SLC2A14: variants seen among roughly 807,000 people sequenced by gnomAD.
SLC2A14 encodes the protein solute carrier family 2, facilitated glucose transporter member 14.
Under a neutral mutation model 43.0 loss-of-function variants are expected in SLC2A14, and 13 were observed. The ratio of observed to expected loss-of-function variants is 0.30; its 90% CI spans 0.20 to 0.48. The LOEUF is 0.48. Among genes scored for constraint, SLC2A14 ranks in the 20% least tolerant of loss-of-function variants. The pLI is 0.99. For synonymous variants in SLC2A14, 190 were observed against 233.8 expected, an observed-to-expected ratio of 0.81 and a Z score of 1.71; for missense variants, 428 against 620.4, an observed-to-expected ratio of 0.69 and a Z score of 3.29.
rs776281699 is a variant in SLC2A14 at position 7,882,745 on chromosome 12, G to C, written c.132+8251C>G. Among the ~76,000 whole-genome samples, 153 of 152,168 alleles carry C rather than the reference G, an allele frequency of 1.0e-3. 1 individual carries two copies. Among genetic ancestry groups the C allele is most frequent in the Non-Finnish European group, 1.1e-3 (75 of 67,986 alleles). ...CCAGCTACGTGGGAAGCTGAGGCTG[G>C]AGAATCACTTGAACCCAGGAGGCAG... On this transcript the variant is annotated intron_variant, in intron 1 of 9. Coordinates refer to the SLC2A14 transcript ENST00000539924.
chr12:7,831,794 A>G (rs766209745), intron 3 of SLC2A14, 30 bp from the exon 4 acceptor site: 6 of 1,612,454 alleles, frequency 3.7e-6, no homozygotes, highest in Admixed American at 1.7e-5. Context: ...AGGACAGACT[A>G]TTACAGTTGG....
intron 2 of SLC2A14, among the ~76,000 whole-genome samples, chr12:7,845,779 A>AG (rs1866419012): frequency 4.4e-4 from 1 of 2,264 alleles, no homozygotes; most frequent in Non-Finnish European, 1.8e-3. Flanking sequence ...ACTCCATCTC[A>AG]AAAAAAAAAA....
intron 1 of SLC2A14, among the ~76,000 whole-genome samples, chr12:7,889,572 GT>G (rs1439788901): frequency 6.2e-5 from 9 of 146,144 alleles, no homozygotes; most frequent in Middle Eastern, 7.9e-3. Context: ...TTTTGCTCTT[GT>G]TGCCCAGGCT....
At chr12:7,825,703 A>G (rs1864296974) in intron 7 of SLC2A14, among the ~76,000 whole-genome samples, 1 of 148,270 alleles carries the variant, frequency 6.7e-6, no homozygotes, top group Non-Finnish European at 1.5e-5. Flanking sequence ...CAGAGGTTGC[A>G]GTGAGCCAAG....
intron 2 of SLC2A14, among the ~76,000 whole-genome samples, chr12:7,840,160 CTTTTTTTTTTT>C (rs58740298): frequency 7.3e-5 from 5 of 68,800 alleles, no homozygotes; most frequent in Non-Finnish European, 1.2e-4. Flanking sequence ...GAGTTTGCTC[CTTTTTTTTTTT>C]TTTTTTTTTT....
At chr12:7,879,325 AAC>A (rs1491037652) in intron 1 of SLC2A14, among the ~76,000 whole-genome samples, 230 of 6,112 alleles carry the variant, frequency 0.038, 2 homozygotes, top group African/African-American at 0.061. Flanking sequence ...AAAAACAAAC[AAC>A]AACAAAAAAA....
chr12:7,813,629 C>T lies in SLC2A14; in HGVS notation c.*687G>A, dbSNP rs144056951. The T allele has an allele frequency of 1.3e-5, 2 of 152,530 alleles. No homozygotes were observed. Among genetic ancestry groups the T allele is most frequent in the East Asian group, 3.9e-4 (2 of 5,188 alleles). The allele number at this position is 152,530 out of a possible 1,614,324, so 9.4% of individuals were successfully genotyped here. A position where few individuals can be genotyped will look rare whatever the true frequency, so the allele number is the denominator to read the frequency against. Reference sequence around the variant, plus strand: ...ACAGAAATTGTTAAGAGGTAATGTACAGACCTCAGGCACCACATCATTTAC... The same window carrying T: ...ACAGAAATTGTTAAGAGGTAATGTATAGACCTCAGGCACCACATCATTTAC... On this transcript the variant is annotated 3_prime_UTR_variant, in exon 11 of 11. Transcript: ENST00000431042.
intron 1 of SLC2A14, among the ~76,000 whole-genome samples, chr12:7,885,921 A>G (rs1053538622): frequency 6.6e-6 from 1 of 152,104 alleles, no homozygotes; most frequent in African/African-American, 2.4e-5. Flanking sequence ...AAACTGGTTC[A>G]TAGATACATA....
chr12:7,821,408 C>T (rs953109462), intron 7 of SLC2A14, 83 bp from the exon 8 acceptor site: 9 of 1,257,048 alleles, frequency 7.2e-6, no homozygotes, highest in African/African-American at 1.5e-5. Flanking sequence ...TAAGGCTGAG[C>T]GTGGTTGCAC....
At chr12:7,839,310 C>T (rs1168623497) in intron 2 of SLC2A14, among the ~76,000 whole-genome samples, 1 of 137,908 alleles carries the variant, frequency 7.3e-6, no homozygotes, top group African/African-American at 2.6e-5. Context: ...TTGGGAGTAT[C>T]TGAAAACAGC....
chr12:7,868,189 G>C (rs900243700), intron 2 of SLC2A14, among the ~76,000 whole-genome samples: 1 of 152,158 alleles, frequency 6.6e-6, no homozygotes, highest in African/African-American at 2.4e-5. Context: ...CAATGCTGAG[G>C]CAAGACCCTC....
Position 7,831,718 on chromosome 12 carries a change from G to A in SLC2A14, c.158C>T (p.Ala53Val). 1 of 1,614,256 alleles carries A rather than the reference G, an allele frequency of 6.2e-7. No individual in the cohort carries two copies. The highest frequency in any genetic ancestry group is 8.5e-7 in the Non-Finnish European group (1 of 1,180,050). Residue 53 changes from alanine to valine, a missense_variant, in exon 4 of 11, where the codon GCC (alanine) becomes GTC (valine). Around this residue, in one of 4 missense-constraint regions of SLC2A14, gnomAD observed 122 missense variants for 128.8 expected, o/e 0.95. Coordinates refer to ENST00000431042, the MANE Select transcript of SLC2A14 (RefSeq NM_001286234.2). ...CGTGAGCAGCACCTCAGAGGGAGGG[G>A]CATTTGCCTTGTCCGTCAAAGTTTT... ...INKTLTDKAN[A>V]PPSEVLLTNL...
chr12:7,882,575 G>C (rs1471974182), intron 1 of SLC2A14, among the ~76,000 whole-genome samples: 1 of 152,088 alleles, frequency 6.6e-6, no homozygotes, highest in East Asian at 1.9e-4. Context: ...GCTCACACTT[G>C]TGATCTCAGC....
At chr12:7,876,083 T>G (rs1382382736), upstream of SLC2A14, among the ~76,000 whole-genome samples, 1 of 151,766 alleles carries the variant, frequency 6.6e-6, no homozygotes, top group South Asian at 2.1e-4. Flanking sequence ...GTTTGAGACC[T>G]GCCTGGCCAG....
At chr12:7,848,123 C>T (rs769668540) in intron 2 of SLC2A14, among the ~76,000 whole-genome samples, 3 of 152,202 alleles carry the variant, frequency 2.0e-5, no homozygotes, top group Non-Finnish European at 4.4e-5. Context: ...TTCAAGGCAG[C>T]GTTTTATTTA....
intron 7 of SLC2A14, 73 bp from the exon 8 acceptor site, chr12:7,821,398 TA>T: frequency 7.3e-7 from 1 of 1,368,684 alleles, no homozygotes. Context: ...AAAAAATACT[TA>T]AGGCTGAGCG....
Position 7,813,124 on chromosome 12 carries a change from C to T in SLC2A14, c.*1192G>A, listed in dbSNP as rs1339716874. 1 of 151,316 alleles carries T rather than the reference C, an allele frequency of 6.6e-6. No individual in the cohort carries two copies. The highest frequency in any genetic ancestry group is 1.5e-5 in the Non-Finnish European group (1 of 67,850). The allele number at this position is 151,316 out of a possible 1,614,324, so 9.4% of individuals were successfully genotyped here. A position where few individuals can be genotyped will look rare whatever the true frequency, so the allele number is the denominator to read the frequency against. ...GATAATAATCGCTCAGAAAAAAATC[C>T]TCTCCCAGAGCTGAGGTTACAAATT... On this transcript the variant is annotated 3_prime_UTR_variant, in exon 11 of 11. Coordinates refer to ENST00000431042, the MANE Select transcript of SLC2A14 (RefSeq NM_001286234.2).
At chr12:7,890,961 C>T (rs1363550875) in intron 1 of SLC2A14, 1 of 1,515,792 alleles carries the variant, frequency 6.6e-7, no homozygotes, top group Admixed American at 2.1e-5. Context: ...CATGGACTAC[C>T]TGCCTTGAAG....
upstream of SLC2A14, chr12:7,891,153 G>A (rs1427428124): frequency 6.5e-7 from 1 of 1,528,070 alleles, no homozygotes; most frequent in South Asian, 1.2e-5. Flanking sequence ...GGTTGTGTGG[G>A]AGCAAAGCCA....
Sources: gnomAD v4.1 joint callset for allele counts (sites outside exome capture counted in the v4.1 genomes callset) on GRCh38, gnomAD v4.1.1 for gene constraint, gnomAD v4.1.1 regional missense constraint, MANE v1.5 for transcripts, NCBI Gene and HGNC (gene_info 2026-07-23, HGNC 2026-07-21) for gene names.